Variants in ZNF550 observed in about 807,000 individuals in gnomAD.
ZNF550 encodes the protein zinc finger protein 550.
ZNF550 carries 42 observed loss-of-function variants against 40.2 expected under a neutral mutation model. That is an observed-to-expected ratio of 1.05 (90% CI 0.82 to 1.35). The LOEUF (loss-of-function observed/expected upper bound fraction) is 1.35, where lower values mean the gene tolerates loss of function less well. Among genes scored for constraint, ZNF550 ranks in the 40% most tolerant of loss-of-function variants. ZNF550 has a pLI of 0.00. For missense variants in ZNF550, 549 were observed against 525.2 expected (o/e 1.05, Z -0.44); for synonymous variants, 223 against 198.6 (o/e 1.12, Z -1.03).
At chr19:57,549,170 G>T (rs12609704) in intron 3 of ZNF550, among the ~76,000 whole-genome samples, 71,164 of 152,072 alleles carry the variant, frequency 0.47, 16,946 homozygotes, top group Middle Eastern at 0.58. Context: ...AGGGTATAAC[G>T]GGATTGTTTG....
At chr19:57,559,773 A>G in exon 1 of ZNF550, 4 of 1,193,940 alleles carry the variant, frequency 3.4e-6, no homozygotes, top group South Asian at 3.8e-5. Context: ...GGTGAGCCCC[A>G]GTCGCCCTAC....
intron 1 of ZNF550, among the ~76,000 whole-genome samples, 179 bp downstream of exon 1, chr19:57,559,477 G>A (rs2090151044): frequency 6.6e-6 from 1 of 152,156 alleles, no homozygotes; most frequent in Admixed American, 6.5e-5. Context: ...AAACGGGGAC[G>A]CTCCCCACGC....
At chr19:57,558,307 G>A (rs2090140002) in intron 1 of ZNF550, among the ~76,000 whole-genome samples, 1 of 152,220 alleles carries the variant, frequency 6.6e-6, no homozygotes, top group Non-Finnish European at 1.5e-5. Flanking sequence ...TTCCCTGGAT[G>A]AATGCAGTGA....
exon 3 of ZNF550, chr19:57,552,667 C>T (rs1224096701): frequency 5.6e-6 from 9 of 1,598,438 alleles, no homozygotes; most frequent in Non-Finnish European, 7.6e-6. Flanking sequence ...TCACTATCCA[C>T]AGCTCCTGCC....
upstream of ZNF550, among the ~76,000 whole-genome samples, chr19:57,560,588 A>G (rs967705650): frequency 5.3e-5 from 8 of 152,328 alleles, no homozygotes; most frequent in Admixed American, 6.5e-5. Flanking sequence ...CGGGTCATGC[A>G]CAATGGAGTT....
At chr19:57,548,649 G>C (rs1224566702) in intron 3 of ZNF550, among the ~76,000 whole-genome samples, 1 of 152,126 alleles carries the variant, frequency 6.6e-6, no homozygotes, top group Non-Finnish European at 1.5e-5. Flanking sequence ...TAGTACAACT[G>C]CCATGGAGAA....
chr19:57,552,809 C>T (rs1328419089), intron 2 of ZNF550, 87 bp from the exon 3 acceptor site: 1 of 975,940 alleles, frequency 1.0e-6, no homozygotes. Context: ...ATGACAGGGT[C>T]CAGACATGAA....
exon 5 of ZNF550, chr19:57,543,149 T>C (rs2089976407): frequency 8.3e-6 from 6 of 722,906 alleles, no homozygotes; most frequent in Non-Finnish European, 1.0e-5. Context: ...GCTTTCCTTC[T>C]TGCTTCTTTC....
intron 3 of ZNF550, among the ~76,000 whole-genome samples, chr19:57,552,122 AG>A (rs1429739260): frequency 6.6e-6 from 1 of 152,240 alleles, no homozygotes; most frequent in Non-Finnish European, 1.5e-5. Context: ...TGAACTAAGC[AG>A]TGTCATGTGT....
chr19:57,547,774 A>G (rs80016657), exon 4 of ZNF550: 18 of 1,613,996 alleles, frequency 1.1e-5, no homozygotes, highest in Non-Finnish European at 1.5e-5. Flanking sequence ...TTCACCTTCA[A>G]GGCTCACTTT....
At chr19:57,558,358 A>C (rs1162583682) in intron 1 of ZNF550, among the ~76,000 whole-genome samples, 1 of 152,242 alleles carries the variant, frequency 6.6e-6, no homozygotes, top group East Asian at 1.9e-4. Flanking sequence ...ATGCGGTCAA[A>C]AGGGCAAACC....
At chr19:57,559,586 C>G in intron 1 of ZNF550, 70 bp downstream of exon 1, 1 of 1,400,992 alleles carries the variant, frequency 7.1e-7, no homozygotes, top group Non-Finnish European at 9.5e-7. Context: ...CCTGAAACGC[C>G]GTCCTTCCGC....
intron 4 of ZNF550, among the ~76,000 whole-genome samples, chr19:57,545,742 G>T (rs1322284280): frequency 6.6e-6 from 1 of 152,214 alleles, no homozygotes; most frequent in East Asian, 1.9e-4. Context: ...GCTGGGTGCA[G>T]TGACTCACAC....
chr19:57,552,814 C>T, intron 2 of ZNF550, 92 bp from the exon 3 acceptor site: 1 of 913,324 alleles, frequency 1.1e-6, no homozygotes, highest in Non-Finnish European at 1.7e-6. Context: ...AGGGTCCAGA[C>T]ATGAATGCAG....
intron 3 of ZNF550, among the ~76,000 whole-genome samples, chr19:57,551,674 T>A (rs2090073792): frequency 6.6e-6 from 1 of 151,886 alleles, no homozygotes; most frequent in Admixed American, 6.6e-5. Flanking sequence ...AGATGTGGGA[T>A]TGAGGGAATG....
In ZNF550 at chr19:57,547,724, G is replaced by A; in HGVS notation, c.520C>T (p.Gln174Ter). 7 of 1,614,178 alleles carry A rather than the reference G, an allele frequency of 4.3e-6. No homozygotes were observed. Among genetic ancestry groups the A allele is most frequent in the Non-Finnish European group, 5.1e-6 (6 of 1,180,032 alleles). The change falls in exon 4 of 5, where the codon CAA (glutamine) becomes TAA (stop). Residue 174 changes from glutamine to a stop codon, truncating the protein, a stop_gained. Transcript: ENST00000457177. LOFTEE classifies it high-confidence loss of function. ...AGAACATCTGCTGATAACCACTCTTGTAATGCCCTGGAGTGCAGACCATCA... is the reference window on the plus strand; with the variant it reads ...AGAACATCTGCTGATAACCACTCTTATAATGCCCTGGAGTGCAGACCATCA...
Position 57,552,716 on chromosome 19 carries a change from C to T in ZNF550, c.161G>A (p.Arg54Gln), listed in dbSNP as rs76268300. The T allele has an allele frequency of 9.0e-5, 143 of 1,597,512 alleles. No individual in the cohort carries two copies. In the East Asian group the frequency reaches 2.7e-3, roughly 30 times the overall value. ...GTGGACCAACTCTGGTTTGGGAACC[C>T]GATGCCCTGTTGATAGCAAAAGAAA... Residue 54 changes from arginine to glutamine, a missense_variant, in exon 3 of 5, where the codon CGG (arginine) becomes CAG (glutamine). Physicochemically the swap from Arg to Gln is conservative, Grantham distance 43 (BLOSUM62 1). Coordinates refer to ENST00000457177, the Ensembl canonical transcript of ZNF550.
intron 3 of ZNF550, among the ~76,000 whole-genome samples, chr19:57,551,876 T>C (rs1011768282): frequency 7.2e-5 from 11 of 152,140 alleles, no homozygotes; most frequent in Non-Finnish European, 1.5e-4. Context: ...CAGGAAGATA[T>C]GGAGCAAAGG....
At chr19:57,551,904 G>C (rs2090075806) in intron 3 of ZNF550, among the ~76,000 whole-genome samples, 1 of 152,244 alleles carries the variant, frequency 6.6e-6, no homozygotes, top group Admixed American at 6.5e-5. Flanking sequence ...CCGAGTCTCT[G>C]ATGGTCTAAC....
Sources: allele counts gnomAD v4.1 joint callset (sites outside exome capture counted in the v4.1 genomes callset), GRCh38; gene constraint gnomAD v4.1.1; transcripts MANE v1.5; gene names NCBI Gene and HGNC (gene_info 2026-07-23, HGNC 2026-07-21).